EYA2: variants seen among roughly 807,000 people sequenced by gnomAD.
EYA2 encodes EYA transcriptional coactivator and phosphatase 2.
Under a neutral mutation model 69.2 loss-of-function variants are expected in EYA2, and 31 were observed. The observed-to-expected ratio is 0.45, with a 90% CI of 0.34 to 0.60. The LOEUF is 0.60. Among genes scored for constraint, EYA2 ranks in the 20% least tolerant of loss-of-function variants. The pLI is 0.02. For synonymous variants in EYA2, 257 were observed against 279.4 expected (o/e 0.92, Z 0.80); for missense variants, 622 against 701.2 (o/e 0.89, Z 1.28).
chr20:46,996,973 A>G (rs1056474581), intron 2 of EYA2, among the ~76,000 whole-genome samples: 2 of 152,030 alleles, frequency 1.3e-5, no homozygotes, highest in African/African-American at 2.4e-5. Flanking sequence ...GCTCGAGACT[A>G]TGACATTTGT....
intron 1 of EYA2, among the ~76,000 whole-genome samples, chr20:46,947,187 G>A (rs949454878): frequency 1.3e-5 from 2 of 152,232 alleles, no homozygotes; most frequent in East Asian, 1.9e-4. Flanking sequence ...GCATGTACAT[G>A]AAGAGCATTA....
chr20:47,180,433 G>A (rs1160339248), intron 13 of EYA2, among the ~76,000 whole-genome samples: 2 of 152,132 alleles, frequency 1.3e-5, no homozygotes, highest in African/African-American at 4.8e-5. Context: ...AGGTTTCCAG[G>A]TTTCTGGATT....
At chr20:46,915,749 T>G (rs971471415) in intron 1 of EYA2, among the ~76,000 whole-genome samples, 5 of 152,234 alleles carry the variant, frequency 3.3e-5, no homozygotes, top group African/African-American at 9.6e-5. Flanking sequence ...CCAAATGAGC[T>G]GTGCATTCCT....
chr20:46,916,414 CAG>C (rs1206409795), intron 1 of EYA2, among the ~76,000 whole-genome samples: 3 of 117,632 alleles, frequency 2.6e-5, no homozygotes, highest in Non-Finnish European at 4.0e-5. Flanking sequence ...GTGAGTGTGT[CAG>C]AGTCTGTGTG....
chr20:46,919,500 T>C (rs1432351774), intron 1 of EYA2, among the ~76,000 whole-genome samples: 3 of 152,252 alleles, frequency 2.0e-5, no homozygotes, highest in African/African-American at 7.2e-5. Flanking sequence ...TCCTGAACTC[T>C]TGGTAGCTTC....
intron 12 of EYA2, 49 bp downstream of exon 12, chr20:47,172,916 T>C (rs767281161): frequency 1.3e-6 from 2 of 1,568,306 alleles, no homozygotes; most frequent in Non-Finnish European, 1.7e-6. Flanking sequence ...CTCATTGGGA[T>C]GGATGCTGTC....
At chr20:46,972,179 A>G (rs542135925) in intron 1 of EYA2, among the ~76,000 whole-genome samples, 8 of 152,364 alleles carry the variant, frequency 5.3e-5, no homozygotes, top group African/African-American at 1.9e-4. Context: ...TGCAAAACCT[A>G]TAAAGTGGGA....
intron 10 of EYA2, among the ~76,000 whole-genome samples, chr20:47,165,111 T>C (rs902987578): frequency 6.6e-6 from 1 of 152,218 alleles, no homozygotes; most frequent in Admixed American, 6.5e-5. Flanking sequence ...TTTAATGTTA[T>C]TTAACTTTAC....
Position 47,020,665 on chromosome 20 carries a change from C to T in EYA2, c.415+4368C>T, listed in dbSNP as rs113764837. On this transcript the variant is annotated intron_variant, in intron 5 of 15. Transcript: ENST00000327619. ...CACAGAGTTGTTAAGAGTTCTGGAC[C>T]TGGCCTGTGGTCAGTCCTGGCAGTA... 5.9e-5 allele frequency among the ~76,000 whole-genome samples: 9 copies of T among 152,200 alleles called. 1 individual carries two copies. Among genetic ancestry groups the T allele is most frequent in the African/African-American group, 1.9e-4 (8 of 41,514 alleles).
At chr20:47,049,592 ACACCCCCTGCTCCATGTTG>A in intron 5 of EYA2, among the ~76,000 whole-genome samples, 1 of 55,278 alleles carries the variant, frequency 1.8e-5, no homozygotes, top group Non-Finnish European at 5.6e-5. Flanking sequence ...TCGTCGTGTG[ACACCCCCTGCTCCATGTTG>A]TCATGTGACA....
chr20:46,925,243 T>A (rs1160552925), intron 1 of EYA2, among the ~76,000 whole-genome samples: 1 of 152,150 alleles, frequency 6.6e-6, no homozygotes, highest in Non-Finnish European at 1.5e-5. Context: ...GGGTGACAAC[T>A]TTAATATGTC....
intron 5 of EYA2, 135 bp from the exon 6 acceptor site, chr20:47,072,050 A>G: frequency 1.3e-6 from 1 of 785,648 alleles, no homozygotes; most frequent in Middle Eastern, 2.9e-4. Flanking sequence ...AGGCATTACC[A>G]CTAGGAACCA....
At chr20:47,107,810 A>G (rs1040740265) in intron 9 of EYA2, among the ~76,000 whole-genome samples, 3 of 152,050 alleles carry the variant, frequency 2.0e-5, no homozygotes, top group Non-Finnish European at 2.9e-5. Context: ...AGGGAAGGGA[A>G]GGGGAAAGAA....
chr20:46,982,758 C>T (rs1056972966), intron 1 of EYA2, among the ~76,000 whole-genome samples: 2 of 149,424 alleles, frequency 1.3e-5, no homozygotes, highest in Non-Finnish European at 3.0e-5. Context: ...TATTTCATTT[C>T]TCAGTTCTGT....
intron 5 of EYA2, among the ~76,000 whole-genome samples, chr20:47,029,170 G>A (rs978559966): frequency 2.0e-5 from 3 of 152,206 alleles, no homozygotes; most frequent in Non-Finnish European, 2.9e-5. Flanking sequence ...AGAAATGGGG[G>A]TTAGCATATT....
chr20:46,964,505 G>A (rs898536153), intron 1 of EYA2, among the ~76,000 whole-genome samples: 4 of 152,190 alleles, frequency 2.6e-5, no homozygotes, highest in East Asian at 1.9e-4. Flanking sequence ...GAGGTTGAAA[G>A]GCAACATTTC....
chr20:47,055,731 G>A (rs1388113039), intron 5 of EYA2, among the ~76,000 whole-genome samples: 1 of 152,148 alleles, frequency 6.6e-6, no homozygotes, highest in African/African-American at 2.4e-5. Context: ...TATGCATTTA[G>A]CAAATGCCAC....
chr20:47,129,529 C>G (rs1225492888), intron 9 of EYA2, among the ~76,000 whole-genome samples: 2 of 152,188 alleles, frequency 1.3e-5, no homozygotes, highest in African/African-American at 4.8e-5. Flanking sequence ...TAGGTGGTTA[C>G]TAGAGCACAT....
At chr20:46,903,720 G>A (rs903124408) in intron 1 of EYA2, among the ~76,000 whole-genome samples, 7 of 152,142 alleles carry the variant, frequency 4.6e-5, no homozygotes, top group Non-Finnish European at 7.4e-5. Flanking sequence ...GAAGTGTTTG[G>A]AACTACGGCT....
Sources: allele counts gnomAD v4.1 joint callset (sites outside exome capture counted in the v4.1 genomes callset), GRCh38; gene constraint gnomAD v4.1.1; transcripts MANE v1.5; gene names NCBI Gene and HGNC (gene_info 2026-07-23, HGNC 2026-07-21).